PRKCE: variants seen among roughly 807,000 people sequenced by gnomAD.
PRKCE encodes protein kinase C epsilon type.
Under a neutral mutation model 85.4 loss-of-function variants are expected in PRKCE, and 16 were observed. That is an observed-to-expected ratio of 0.19 (90% CI 0.13 to 0.28). The LOEUF is 0.28. PRKCE is among the 10% of genes least tolerant of loss of function. The probability of loss-of-function intolerance (pLI) is 1.00; values close to 1 mark genes in which losing one functional copy is unlikely to be tolerated. For missense variants in PRKCE, 573 were observed against 975.2 expected, an observed-to-expected ratio of 0.59 and a Z score of 5.49; for synonymous variants, 388 against 371.5, an observed-to-expected ratio of 1.04 and a Z score of -0.51.
chr2:45,888,465 CTTTTTTTTTTTT>C (rs34871432), intron 2 of PRKCE, among the ~76,000 whole-genome samples: 1 of 74,754 alleles, frequency 1.3e-5, no homozygotes, highest in Non-Finnish European at 2.4e-5. Context: ...TCCCAACAGT[CTTTTTTTTTTTT>C]TTTTTTTTTT....
chr2:46,181,905 G>A (rs1005658989), intron 14 of PRKCE, among the ~76,000 whole-genome samples: 6 of 152,150 alleles, frequency 3.9e-5, no homozygotes, highest in Non-Finnish European at 5.9e-5. Flanking sequence ...CAAGTTAGGA[G>A]AGATGGTGAA....
At chr2:45,965,436 T>C (rs569617409) in intron 2 of PRKCE, among the ~76,000 whole-genome samples, 1 of 152,372 alleles carries the variant, frequency 6.6e-6, no homozygotes, top group South Asian at 2.1e-4. Context: ...AGTGAATTTA[T>C]AAAGTCAAAA....
intron 1 of PRKCE, among the ~76,000 whole-genome samples, chr2:45,754,969 G>A (rs775181571): frequency 7.2e-5 from 11 of 152,230 alleles, no homozygotes; most frequent in African/African-American, 1.9e-4. Context: ...CCTCTGGTTC[G>A]AGGTTGGGGA....
chr2:45,654,553 A>G lies in PRKCE; in HGVS notation c.348+2105A>G, dbSNP rs114330275. Among the ~76,000 whole-genome samples the G allele has an allele frequency of 5.1e-3, 784 of 152,312 alleles. 9 individuals carry two copies. The highest frequency in any genetic ancestry group is 0.018 in the African/African-American group (733 of 41,570). ...GTCTGATGGGGAGCCGAGCCTGCCC[A>G]TCTGGCCTCCCAGCCTATTCTCCCT... On this transcript the variant is annotated intron_variant, in intron 1 of 14. Transcript: ENST00000306156.
intron 2 of PRKCE, among the ~76,000 whole-genome samples, chr2:45,932,425 C>G (rs942793814): frequency 1.3e-5 from 2 of 152,070 alleles, no homozygotes; most frequent in Non-Finnish European, 2.9e-5. Flanking sequence ...GAGTGCATAC[C>G]TAGGAGTAGC....
chr2:45,964,631 CGAATGAAT>C (rs370224334), intron 2 of PRKCE, among the ~76,000 whole-genome samples: 1 of 152,156 alleles, frequency 6.6e-6, no homozygotes, highest in Non-Finnish European at 1.5e-5. Flanking sequence ...AACGAATGGG[CGAATGAAT>C]GAATGAATGA....
intron 1 of PRKCE, among the ~76,000 whole-genome samples, chr2:45,813,621 A>G (rs1688810213): frequency 6.6e-6 from 1 of 152,168 alleles, no homozygotes; most frequent in Non-Finnish European, 1.5e-5. Context: ...AGGTGCAAGG[A>G]GGTCACCCAG....
chr2:45,702,998 A>C (rs1678781360), intron 1 of PRKCE, among the ~76,000 whole-genome samples: 1 of 148,074 alleles, frequency 6.8e-6, no homozygotes, highest in Admixed American at 6.8e-5. Context: ...CCTATTATCA[A>C]GTTTTCTTGA....
At chr2:45,880,680 C>T (rs147208489) in intron 2 of PRKCE, among the ~76,000 whole-genome samples, 74 of 152,194 alleles carry the variant, frequency 4.9e-4, no homozygotes, top group African/African-American at 1.3e-3. Context: ...AGTAGGTGCA[C>T]GACAAATATC....
chr2:45,811,300 A>G (rs1248534872), intron 1 of PRKCE, among the ~76,000 whole-genome samples: 1 of 152,230 alleles, frequency 6.6e-6, no homozygotes, highest in African/African-American at 2.4e-5. Context: ...AACATTATGT[A>G]GCCACTCAAA....
At chr2:46,150,497 TTACAGGGTG>T in intron 12 of PRKCE, among the ~76,000 whole-genome samples, 1 of 152,172 alleles carries the variant, frequency 6.6e-6, no homozygotes, top group African/African-American at 2.4e-5. Flanking sequence ...AGGGAGACCA[TTACAGGGTG>T]GGGGAGACTT....
At position 45,918,773 on chromosome 2, in the gene PRKCE, G is replaced by T. The variant is rs191180899; in HGVS notation, c.413-57656G>T. Among the ~76,000 whole-genome samples, 16 of 152,316 alleles carry T rather than the reference G, an allele frequency of 1.1e-4. No individual in the cohort carries two copies. In the East Asian group the frequency reaches 1.2e-3, roughly 11 times the overall value. On this transcript the variant is annotated intron_variant, in intron 2 of 14. Coordinates refer to ENST00000306156, the MANE Select transcript of PRKCE (RefSeq NM_005400.3). ...CACCGCAGGGCTGAGGTTGGCGAGG[G>T]GGGGAATGGGAAGGGAGGGGAGAAG... is the stretch of plus-strand genomic sequence containing the variant.
rs70937991 is a variant in PRKCE, at chr2:46,123,214, C to CTTTTTTTTTTTTTTTTTTTTTTTTTT, written c.1593-21875_1593-21850dup. ...AAGCTTTACAAAGGAAAACACTTGC[C>CTTTTTTTTTTTTTTTTTTTTTTTTTT]TTTTTTTTTTTTTTTTTTTTTTTTT... is the stretch of plus-strand genomic sequence containing the variant. On this transcript the variant is annotated intron_variant, in intron 11 of 14. Coordinates refer to ENST00000306156, the MANE Select transcript of PRKCE (RefSeq NM_005400.3). Among the ~76,000 whole-genome samples the CTTTTTTTTTTTTTTTTTTTTTTTTTT allele has an allele frequency of 5.0e-3, 137 of 27,366 alleles. 44 individuals are homozygous for CTTTTTTTTTTTTTTTTTTTTTTTTTT. Among genetic ancestry groups the CTTTTTTTTTTTTTTTTTTTTTTTTTT allele is most frequent in the Non-Finnish European group, 6.1e-3 (92 of 15,116 alleles). 18.0% of individuals were successfully genotyped at this position (27,366 alleles called of 152,430 possible).
At chr2:45,965,518 C>T (rs895653940) in intron 2 of PRKCE, among the ~76,000 whole-genome samples, 1 of 152,230 alleles carries the variant, frequency 6.6e-6, no homozygotes, top group African/African-American at 2.4e-5. Context: ...ACCCTAGCTT[C>T]TGTGAGGAGC....
intron 10 of PRKCE, among the ~76,000 whole-genome samples, chr2:46,080,901 A>G (rs559562323): frequency 6.6e-6 from 1 of 152,280 alleles, no homozygotes; most frequent in East Asian, 1.9e-4. Context: ...GGTTCTGCAG[A>G]CACAGGCTCA....
intron 1 of PRKCE, among the ~76,000 whole-genome samples, chr2:45,819,926 C>T (rs980850844): frequency 1.3e-5 from 2 of 152,150 alleles, no homozygotes; most frequent in African/African-American, 4.8e-5. Flanking sequence ...CATTGCACAG[C>T]CCACTGTATT....
intron 1 of PRKCE, among the ~76,000 whole-genome samples, chr2:45,694,981 G>C (rs538493328): frequency 3.3e-5 from 5 of 152,280 alleles, no homozygotes. Flanking sequence ...TTCTCCTTCA[G>C]TTTGGCTATA....
intron 1 of PRKCE, among the ~76,000 whole-genome samples, chr2:45,722,479 G>A (rs549414750): frequency 1.3e-5 from 2 of 152,304 alleles, no homozygotes; most frequent in East Asian, 3.9e-4. Context: ...AACCTCCAGA[G>A]GTTCCCAGAC....
intron 1 of PRKCE, among the ~76,000 whole-genome samples, chr2:45,769,058 T>C (rs1193563723): frequency 2.0e-5 from 3 of 152,270 alleles, no homozygotes; most frequent in African/African-American, 7.2e-5. Flanking sequence ...AAGATTTAAA[T>C]TGTTTGTTGC....
Sources: allele counts gnomAD v4.1 joint callset (sites outside exome capture counted in the v4.1 genomes callset), GRCh38; gene constraint gnomAD v4.1.1; transcripts MANE v1.5; gene names NCBI Gene and HGNC (gene_info 2026-07-23, HGNC 2026-07-21).